PRKG1: variants seen among roughly 807,000 people sequenced by gnomAD.
PRKG1 encodes protein kinase cGMP-dependent 1.
PRKG1 carries 35 observed loss-of-function variants against 88.1 expected under a neutral mutation model. The observed-to-expected ratio is 0.40, with a 90% confidence interval of 0.30 to 0.53. The LOEUF (loss-of-function observed/expected upper bound fraction) is 0.53, where lower values mean the gene tolerates loss of function less well. Among genes scored for constraint, PRKG1 ranks in the 20% least tolerant of loss-of-function variants. PRKG1 has a pLI of 0.59. For missense variants in PRKG1, 540 were observed against 839.8 expected (o/e 0.64, Z 4.41); for synonymous variants, 303 against 292.5 (o/e 1.04, Z -0.37).
chr10:51,604,089 C>CTT (rs11290534), intron 3 of PRKG1, among the ~76,000 whole-genome samples: 1 of 141,662 alleles, frequency 7.1e-6, no homozygotes, highest in Non-Finnish European at 1.5e-5. Flanking sequence ...TGGTCCCTGC[C>CTT]TTTTTTTTTT....
At chr10:50,994,807 A>G (rs1405044112) in intron 1 of PRKG1, among the ~76,000 whole-genome samples, 3 of 69,600 alleles carry the variant, frequency 4.3e-5, no homozygotes, top group African/African-American at 2.2e-4. Flanking sequence ...GATCAAAACT[A>G]TTCAGGAAAA....
chr10:51,753,886 T>C (rs951390895), intron 3 of PRKG1, among the ~76,000 whole-genome samples: 4 of 152,178 alleles, frequency 2.6e-5, no homozygotes, highest in African/African-American at 9.6e-5. Flanking sequence ...ATGAAGCTCA[T>C]GAACATTCTT....
chr10:52,041,806 TAA>T (rs1371911954), intron 5 of PRKG1, among the ~76,000 whole-genome samples: 3 of 152,148 alleles, frequency 2.0e-5, no homozygotes, highest in Non-Finnish European at 4.4e-5. Context: ...TGTAAAACCC[TAA>T]GAGTCCTTCA....
At chr10:51,728,682 C>T (rs1362008314) in intron 3 of PRKG1, among the ~76,000 whole-genome samples, 1 of 152,000 alleles carries the variant, frequency 6.6e-6, no homozygotes, top group Non-Finnish European at 1.5e-5. Context: ...ATTGTAATTA[C>T]AGAGTGACAA....
rs1452377598 is a variant in PRKG1 at position 51,092,757 on chromosome 10, A to G, written c.311+17856A>G. 2.6e-5 allele frequency among the ~76,000 whole-genome samples: 4 copies of G among 152,180 alleles called. No individual in the cohort carries two copies. In the South Asian group the frequency reaches 6.2e-4, roughly 24 times the overall value. ...TAGTCTTACTTTGAGGATTCACTGG[A>G]GACTGATAAAGGAATTTCAGAGACA... On this transcript the variant is annotated intron_variant, in intron 1 of 17. Coordinates refer to ENST00000373980, the MANE Select transcript of PRKG1 (RefSeq NM_006258.4).
At chr10:51,033,666 A>C (rs1365857132) in intron 1 of PRKG1, among the ~76,000 whole-genome samples, 2 of 152,196 alleles carry the variant, frequency 1.3e-5, no homozygotes. Flanking sequence ...TTTAAATCAC[A>C]TGTCTTAAAA....
chr10:51,114,255 CTCTT>C (rs1440224482), intron 1 of PRKG1, among the ~76,000 whole-genome samples: 1 of 152,064 alleles, frequency 6.6e-6, no homozygotes, highest in Non-Finnish European at 1.5e-5. Context: ...GTTGTGGAAA[CTCTT>C]TCAGGAGAGT....
chr10:52,183,679 A>G (rs553804923), intron 9 of PRKG1, among the ~76,000 whole-genome samples: 7 of 152,324 alleles, frequency 4.6e-5, no homozygotes, highest in African/African-American at 7.2e-5. Flanking sequence ...TGGCACCTAG[A>G]GGAGGGCATA....
rs192653146 is a variant in PRKG1, at chr10:52,008,909, T to C, written c.763-45575T>C. On this transcript the variant is annotated intron_variant, in intron 5 of 17. Transcript: ENST00000373980. Reference sequence around the variant, plus strand: ...AAATCAATAAATGTGACTCATCACATAAACAGAACTAAAAAAACACATATT... The same window carrying C: ...AAATCAATAAATGTGACTCATCACACAAACAGAACTAAAAAAACACATATT... Among the ~76,000 whole-genome samples the C allele has an allele frequency of 5.9e-5, 9 of 152,212 alleles. No individual in the cohort carries two copies. In the East Asian group the frequency reaches 1.7e-3, roughly 29 times the overall value.
intron 5 of PRKG1, among the ~76,000 whole-genome samples, chr10:52,000,581 GTT>G (rs946916912): frequency 6.6e-6 from 1 of 152,026 alleles, no homozygotes; most frequent in African/African-American, 2.4e-5. Flanking sequence ...TACAGAATTG[GTT>G]GTGAATGAAA....
intron 2 of PRKG1, among the ~76,000 whole-genome samples, chr10:51,454,832 A>G (rs775599159): frequency 6.6e-6 from 1 of 152,190 alleles, no homozygotes; most frequent in Non-Finnish European, 1.5e-5. Context: ...GGGAGCTACA[A>G]TTCAAGATGA....
intron 2 of PRKG1, among the ~76,000 whole-genome samples, chr10:51,329,809 A>G (rs1452464934): frequency 6.6e-6 from 1 of 151,938 alleles, no homozygotes; most frequent in African/African-American, 2.4e-5. Flanking sequence ...TTTGCTGCGA[A>G]GTCTTCTGCT....
chr10:52,050,466 G>T (rs558588461), intron 5 of PRKG1, among the ~76,000 whole-genome samples: 1 of 152,294 alleles, frequency 6.6e-6, no homozygotes, highest in Admixed American at 6.5e-5. Flanking sequence ...CAGTGAAAGT[G>T]CTGGCATTTG....
chr10:51,000,784 C>T (rs191651804), intron 1 of PRKG1, among the ~76,000 whole-genome samples: 10 of 151,614 alleles, frequency 6.6e-5, no homozygotes, highest in East Asian at 1.9e-4. Context: ...ACAGATTGTG[C>T]GTAATGTCAA....
chr10:51,809,352 G>A (rs891349019), intron 4 of PRKG1, among the ~76,000 whole-genome samples: 2 of 151,682 alleles, frequency 1.3e-5, no homozygotes, highest in Non-Finnish European at 1.5e-5. Flanking sequence ...TAAGTCAAAC[G>A]ATGATTTTGC....
chr10:52,155,657 A>G (rs1455137192), intron 8 of PRKG1, among the ~76,000 whole-genome samples: 2 of 151,916 alleles, frequency 1.3e-5, no homozygotes, highest in Non-Finnish European at 2.9e-5. Context: ...TTAGCTCAAG[A>G]TTGTAAAATT....
intron 4 of PRKG1, among the ~76,000 whole-genome samples, chr10:51,817,198 TA>T (rs1839608833): frequency 6.6e-6 from 1 of 152,142 alleles, no homozygotes; most frequent in Non-Finnish European, 1.5e-5. Flanking sequence ...TACTTATTTT[TA>T]TTTTTTTTAA....
intron 6 of PRKG1, among the ~76,000 whole-genome samples, chr10:52,058,003 A>G (rs1846149763): frequency 6.6e-6 from 1 of 152,018 alleles, no homozygotes; most frequent in Non-Finnish European, 1.5e-5. Flanking sequence ...TTGGAAATAA[A>G]GAAACAGTAA....
intron 9 of PRKG1, among the ~76,000 whole-genome samples, chr10:52,246,694 T>C (rs1841031969): frequency 6.6e-6 from 1 of 151,878 alleles, no homozygotes; most frequent in Non-Finnish European, 1.5e-5. Flanking sequence ...CTGACCAACA[T>C]GGTGAAACCC....
Sources: gnomAD v4.1 joint callset for allele counts (sites outside exome capture counted in the v4.1 genomes callset) on GRCh38, gnomAD v4.1.1 for gene constraint, MANE v1.5 for transcripts, NCBI Gene and HGNC (gene_info 2026-07-23, HGNC 2026-07-21) for gene names.